Variants in EPS15L1 observed in about 807,000 individuals in gnomAD.
The protein encoded by EPS15L1 is epidermal growth factor receptor substrate 15-like 1.
In EPS15L1, 43 loss-of-function variants were observed where a neutral mutation model predicts 117.1. That is an observed-to-expected ratio of 0.37 (90% CI 0.29 to 0.47). The LOEUF is 0.47. Ranked by LOEUF, EPS15L1 falls within the 20% of genes least tolerant of loss-of-function variation. EPS15L1 has a pLI of 0.99. For missense variants in EPS15L1, 981 were observed against 1,164.0 expected, an observed-to-expected ratio of 0.84 and a Z score of 2.29; for synonymous variants, 459 against 470.5, an observed-to-expected ratio of 0.98 and a Z score of 0.32.
At chr19:16,407,597 A>AT (rs1320485979) in intron 13 of EPS15L1, among the ~76,000 whole-genome samples, 1 of 152,156 alleles carries the variant, frequency 6.6e-6, no homozygotes, top group Non-Finnish European at 1.5e-5. Flanking sequence ...AAGTGCTGGG[A>AT]TTATAGGTGT....
chr19:16,424,666 CT>C (rs914284719), intron 9 of EPS15L1, among the ~76,000 whole-genome samples: 65 of 146,668 alleles, frequency 4.4e-4, no homozygotes, highest in South Asian at 2.8e-3. Flanking sequence ...TAAATGAATA[CT>C]TTTTTTTTTT....
intron 15 of EPS15L1, 118 bp from the exon 16 acceptor site, chr19:16,402,603 G>A: frequency 2.0e-6 from 2 of 985,358 alleles, no homozygotes; most frequent in Non-Finnish European, 2.9e-6. Flanking sequence ...ATGTAGTGGA[G>A]TGATCATAGC....
At chr19:16,382,259 C>A (rs2092371646) in intron 21 of EPS15L1, among the ~76,000 whole-genome samples, 1 of 152,246 alleles carries the variant, frequency 6.6e-6, no homozygotes, top group South Asian at 2.1e-4. Flanking sequence ...ATGCCCGCGT[C>A]ATTTCCGAAT....
chr19:16,382,040 G>A (rs951076978), intron 21 of EPS15L1, among the ~76,000 whole-genome samples: 1 of 152,202 alleles, frequency 6.6e-6, no homozygotes, highest in Admixed American at 6.5e-5. Flanking sequence ...ACTCAGCCTG[G>A]ACGTCCAAAG....
intron 19 of EPS15L1, among the ~76,000 whole-genome samples, chr19:16,389,856 T>C (rs1450170836): frequency 6.6e-6 from 1 of 152,192 alleles, no homozygotes; most frequent in African/African-American, 2.4e-5. Flanking sequence ...CTGTACATGA[T>C]ATTTCCTAAA....
chr19:16,378,759 C>T (rs896174862), intron 21 of EPS15L1, among the ~76,000 whole-genome samples: 2 of 152,280 alleles, frequency 1.3e-5, no homozygotes, highest in Non-Finnish European at 1.5e-5. Context: ...ATATCTCAGG[C>T]GTCTGAGGGA....
intron 1 of EPS15L1, among the ~76,000 whole-genome samples, chr19:16,458,533 C>G (rs2093218363): frequency 6.6e-6 from 1 of 151,974 alleles, no homozygotes; most frequent in African/African-American, 2.4e-5. Flanking sequence ...CACCCGCTTC[C>G]CCACTGCACC....
At chr19:16,395,188 G>A (rs1050850413) in intron 17 of EPS15L1, among the ~76,000 whole-genome samples, 156 bp downstream of exon 17, 3 of 144,772 alleles carry the variant, frequency 2.1e-5, no homozygotes, top group East Asian at 4.0e-4. Flanking sequence ...GCAAGAGAGC[G>A]AGAGTTCGTC....
chr19:16,356,492 C>T (rs1273777298), intron 23 of EPS15L1: 5 of 152,272 alleles, frequency 3.3e-5, no homozygotes, highest in African/African-American at 7.3e-5. Context: ...TTGTATGTTT[C>T]GTAGAGACGG....
At chr19:16,384,518 A>G (rs2092398254) in intron 21 of EPS15L1, among the ~76,000 whole-genome samples, 1 of 152,178 alleles carries the variant, frequency 6.6e-6, no homozygotes, top group African/African-American at 2.4e-5. Flanking sequence ...CCACACTGCC[A>G]GCGTCTGGAG....
At chr19:16,417,768 GC>G in intron 11 of EPS15L1, 131 bp from the exon 12 acceptor site, 2 of 1,151,464 alleles carry the variant, frequency 1.7e-6, no homozygotes, top group Non-Finnish European at 2.5e-6. Flanking sequence ...AAAAGTGTCA[GC>G]CCCCTGCCTG....
chr19:16,424,430 TG>T (rs1316517071), intron 9 of EPS15L1, among the ~76,000 whole-genome samples: 7 of 150,878 alleles, frequency 4.6e-5, no homozygotes, highest in African/African-American at 1.7e-4. Flanking sequence ...CTGGGTGACC[TG>T]TGCCTACCAG....
intron 19 of EPS15L1, among the ~76,000 whole-genome samples, chr19:16,391,079 A>G (rs2092469455): frequency 6.6e-6 from 1 of 152,232 alleles, no homozygotes. Flanking sequence ...GTAAAGTCAA[A>G]AAACTGTAAA....
rs776960200 is a variant in EPS15L1 at position 16,377,225 on chromosome 19, G to A, written c.2277C>T (p.Ser759=). ...KPPPSGPFTS[S]LGGAGFSDDP... Reference sequence around the variant, plus strand: ...CATCTGAGAATCCTGCCCCTCCCAAGGAGGAGGTGAAAGGGCCAGAAGGTG... The same window carrying A: ...CATCTGAGAATCCTGCCCCTCCCAAAGAGGAGGTGAAAGGGCCAGAAGGTG... The change falls in exon 22 of 24, where the codon TCC becomes TCT. Residue 759 remains serine, a synonymous_variant. Coordinates refer to ENST00000455140, the MANE Select transcript of EPS15L1 (RefSeq NM_001258374.3). 8.7e-6 allele frequency: 14 copies of A among 1,612,956 alleles called. No individual in the cohort carries two copies. Among genetic ancestry groups the A allele is most frequent in the Non-Finnish European group, 1.2e-5 (14 of 1,179,596 alleles).
intron 8 of EPS15L1, among the ~76,000 whole-genome samples, chr19:16,425,949 T>C (rs1158975453): frequency 6.6e-6 from 1 of 152,196 alleles, no homozygotes; most frequent in African/African-American, 2.4e-5. Context: ...ACATCACCAT[T>C]TGGCAGCCAC....
intron 21 of EPS15L1, 67 bp from the exon 22 acceptor site, chr19:16,377,321 A>AACAG (rs903206633): frequency 3.0e-5 from 47 of 1,580,188 alleles, no homozygotes; most frequent in Admixed American, 9.0e-5. Context: ...ATGTCCACTG[A>AACAG]ACAGACGCTC....
chr19:16,431,596 C>T (rs1420996595), intron 7 of EPS15L1, among the ~76,000 whole-genome samples: 5 of 152,060 alleles, frequency 3.3e-5, no homozygotes, highest in African/African-American at 1.2e-4. Context: ...GCCACCGTAC[C>T]GGGCCAGAAG....
intron 23 of EPS15L1, among the ~76,000 whole-genome samples, chr19:16,359,023 T>C (rs1045786131): frequency 1.3e-5 from 2 of 152,004 alleles, no homozygotes; most frequent in East Asian, 1.9e-4. Flanking sequence ...TGATGGAAAT[T>C]TGGGGTTTGT....
chr19:16,399,977 G>T (rs2092581913), intron 16 of EPS15L1, among the ~76,000 whole-genome samples: 1 of 152,186 alleles, frequency 6.6e-6, no homozygotes, highest in African/African-American at 2.4e-5. Context: ...TAAGTTGATT[G>T]GATGGTGAGC....
Sources: allele counts gnomAD v4.1 joint callset (sites outside exome capture counted in the v4.1 genomes callset), GRCh38; gene constraint gnomAD v4.1.1; transcripts MANE v1.5; gene names NCBI Gene and HGNC (gene_info 2026-07-23, HGNC 2026-07-21).